Variants in TSHR observed in about 807,000 individuals in gnomAD.
TSHR encodes the protein thyroid stimulating hormone receptor.
TSHR carries 51 observed loss-of-function variants against 64.1 expected under a neutral mutation model. That is an observed-to-expected ratio of 0.80 (90% CI 0.64 to 1.01). The LOEUF (loss-of-function observed/expected upper bound fraction) is 1.01. TSHR is among the 50% of genes least tolerant of loss of function. The pLI is 0.00. For synonymous variants in TSHR, 361 were observed against 361.9 expected (o/e 1.00, Z 0.03); for missense variants, 877 against 942.8 (o/e 0.93, Z 0.91).
chr14:81,138,432 G>A (rs1027308247), intron 8 of TSHR, among the ~76,000 whole-genome samples: 4 of 151,854 alleles, frequency 2.6e-5, no homozygotes, highest in Non-Finnish European at 5.9e-5. Context: ...CTCGTGATCC[G>A]CCCGCCTCAG....
chr14:80,982,328 A>T lies in TSHR; in HGVS notation c.170+26478A>T. 3 of 1,187,264 alleles carry T rather than the reference A, an allele frequency of 2.5e-6. No individual in the cohort carries two copies. The South Asian group carries it at 4.6e-5, about 18-fold the overall frequency. 73.5% of individuals were successfully genotyped at this position (1,187,264 alleles called of 1,614,324 possible). On this transcript the variant is annotated intron_variant, in intron 1 of 9. Coordinates refer to ENST00000298171, the MANE Select transcript of TSHR (RefSeq NM_000369.5). The stretch of plus-strand genomic sequence containing the variant: ...GGTATTGATGCCTGGGTCTGGGCTG[A>T]GGAAGAGGCCACTATCAATTCCTGG...
intron 8 of TSHR, among the ~76,000 whole-genome samples, chr14:81,112,495 G>A (rs1307710862): frequency 2.0e-5 from 3 of 152,222 alleles, no homozygotes; most frequent in African/African-American, 7.2e-5. Flanking sequence ...TGATTTCTAA[G>A]TTTAGGGCCT....
At position 81,087,735 on chromosome 14, in the gene TSHR, A is replaced by G. The variant is rs1888386945; in HGVS notation, c.318-219A>G. On this transcript the variant is annotated intron_variant, in intron 3 of 9. Transcript: ENST00000298171. ...ATTAAAGTGGACAGAAACCAAGCCA[A>G]CAATGCAAAAGAGCTGAGCAGCCAT... 6 of 594,328 alleles carry G rather than the reference A, an allele frequency of 1.0e-5. No homozygotes were observed. The Admixed American group carries it at 1.6e-4, about 16-fold the overall frequency. 36.8% of individuals were successfully genotyped at this position (594,328 alleles called of 1,614,324 possible).
rs1482650997 is a variant in TSHR, at chr14:81,071,163, A to T, written c.317+2835A>T. 9.2e-5 allele frequency among the ~76,000 whole-genome samples: 14 copies of T among 152,274 alleles called. No individual in the cohort carries two copies. In the East Asian group the frequency reaches 2.7e-3, roughly 29 times the overall value. On this transcript the variant is annotated intron_variant, in intron 3 of 9. Coordinates refer to ENST00000298171, the MANE Select transcript of TSHR (RefSeq NM_000369.5). ...GATTTCTAAAAGCTTTTATGAAAAC[A>T]TTAAAATTTCTCAGTCAGTTATAAA... is the stretch of plus-strand genomic sequence containing the variant.
At chr14:81,070,554 C>A (rs140767739) in intron 3 of TSHR, among the ~76,000 whole-genome samples, 3,907 of 122,284 alleles carry the variant, frequency 0.032, 198 homozygotes, top group African/African-American at 0.11. Context: ...TGAACCTGGG[C>A]GGGAGAGGTT....
At position 80,975,784 on chromosome 14, in the gene TSHR, C is replaced by T. The variant is rs1789699509; in HGVS notation, c.170+19934C>T. ...CCCTTGGTTTTCTCCACATCATACTCCTTGATTGCCTGGTGCCTTACTTCA... is the reference window on the plus strand; with the variant it reads ...CCCTTGGTTTTCTCCACATCATACTTCTTGATTGCCTGGTGCCTTACTTCA... On this transcript the variant is annotated intron_variant, in intron 1 of 9. Coordinates refer to ENST00000298171, the MANE Select transcript of TSHR (RefSeq NM_000369.5). Among the ~76,000 whole-genome samples the T allele has an allele frequency of 2.0e-5, 3 of 152,196 alleles. No individual in the cohort carries two copies. In the South Asian group the frequency reaches 6.2e-4, roughly 31 times the overall value.
At chr14:81,031,361 T>C (rs1884337806) in intron 1 of TSHR, among the ~76,000 whole-genome samples, 1 of 152,116 alleles carries the variant, frequency 6.6e-6, no homozygotes, top group South Asian at 2.1e-4. Flanking sequence ...TATATTTTGA[T>C]AAAGAAGTTT....
intron 1 of TSHR, chr14:80,983,615 T>G: frequency 1.1e-6 from 1 of 934,002 alleles, no homozygotes; most frequent in Non-Finnish European, 1.6e-6. Flanking sequence ...TCAGGGAAGT[T>G]AAAGGGATTA....
At chr14:81,074,566 TG>T (rs1007936576) in intron 3 of TSHR, among the ~76,000 whole-genome samples, 25 of 152,214 alleles carry the variant, frequency 1.6e-4, no homozygotes, top group African/African-American at 5.5e-4. Flanking sequence ...CAAACGTTCC[TG>T]GGATTCCTCA....
intron 7 of TSHR, among the ~76,000 whole-genome samples, chr14:81,105,436 C>T (rs940963164): frequency 6.6e-6 from 1 of 152,174 alleles, no homozygotes; most frequent in East Asian, 1.9e-4. Context: ...CACTTTTAAG[C>T]ATCTAATTAA....
intron 8 of TSHR, among the ~76,000 whole-genome samples, chr14:81,121,628 A>T (rs1274641944): frequency 6.6e-6 from 1 of 152,168 alleles, no homozygotes; most frequent in African/African-American, 2.4e-5. Context: ...GAAGACTCCA[A>T]GAGGAAGGTC....
chr14:81,009,880 G>A (rs112527399), intron 1 of TSHR, among the ~76,000 whole-genome samples: 1 of 152,008 alleles, frequency 6.6e-6, no homozygotes, highest in African/African-American at 2.4e-5. Context: ...GCCAGTTGTG[G>A]GGGGAGAATA....
intron 8 of TSHR, among the ~76,000 whole-genome samples, chr14:81,130,534 C>G (rs1194763582): frequency 6.6e-6 from 1 of 152,136 alleles, no homozygotes; most frequent in South Asian, 2.1e-4. Flanking sequence ...TTCCTGATCT[C>G]TTAATGTTGG....
intron 1 of TSHR, among the ~76,000 whole-genome samples, chr14:80,997,607 A>G (rs2139752270): frequency 6.6e-6 from 1 of 152,372 alleles, no homozygotes; most frequent in African/African-American, 2.4e-5. Context: ...GAGTTCTTGC[A>G]TATATAAAAT....
At chr14:81,004,665 C>G (rs991373615) in intron 1 of TSHR, among the ~76,000 whole-genome samples, 4 of 152,160 alleles carry the variant, frequency 2.6e-5, no homozygotes, top group Admixed American at 2.0e-4. Context: ...TCTCCAGTTA[C>G]TCTGTTTCCT....
At chr14:81,133,167 C>A (rs930099) in intron 8 of TSHR, among the ~76,000 whole-genome samples, 39,650 of 152,080 alleles carry the variant, frequency 0.26, 6,699 homozygotes, top group African/African-American at 0.47. Flanking sequence ...TGAAGCATTA[C>A]ACCTAAGATT....
intron 8 of TSHR, among the ~76,000 whole-genome samples, chr14:81,132,995 T>C (rs79259702): frequency 0.022 from 3,325 of 152,270 alleles, 57 homozygotes; most frequent in South Asian, 0.051. Context: ...TTAAAATGAT[T>C]CCTGACTTGT....
intron 1 of TSHR, among the ~76,000 whole-genome samples, chr14:81,007,104 G>C (rs1889645729): frequency 6.6e-6 from 1 of 152,128 alleles, no homozygotes; most frequent in Non-Finnish European, 1.5e-5. Flanking sequence ...AATTCACGTT[G>C]AAGTTCTAAC....
chr14:81,069,173 C>T (rs986738340), intron 3 of TSHR, among the ~76,000 whole-genome samples: 2 of 151,918 alleles, frequency 1.3e-5, no homozygotes, highest in African/African-American at 4.8e-5. Context: ...TTAAAACAAC[C>T]CTGTGAAGTA....
Sources: allele counts gnomAD v4.1 joint callset (sites outside exome capture counted in the v4.1 genomes callset), GRCh38; gene constraint gnomAD v4.1.1; transcripts MANE v1.5; gene names NCBI Gene and HGNC (gene_info 2026-07-23, HGNC 2026-07-21).